Variants in MTA3 observed in about 807,000 individuals in gnomAD.
MTA3 encodes the protein metastasis associated 1 family member 3, also known as metastasis-associated protein MTA3.
Under a neutral mutation model 83.5 loss-of-function variants are expected in MTA3, and 34 were observed. That is an observed-to-expected ratio of 0.41 (90% confidence interval 0.31 to 0.54). The LOEUF (loss-of-function observed/expected upper bound fraction) is 0.54. Ranked by LOEUF, MTA3 falls within the 20% of genes least tolerant of loss-of-function variation. The pLI is 0.33. For synonymous variants in MTA3, 303 were observed against 252.7 expected (o/e 1.20, Z -1.89); for missense variants, 761 against 726.4 (o/e 1.05, Z -0.55).
At chr2:42,572,517 G>A (rs367962003) in intron 2 of MTA3, among the ~76,000 whole-genome samples, 15 of 151,996 alleles carry the variant, frequency 9.9e-5, no homozygotes, top group African/African-American at 2.7e-4. Flanking sequence ...CAAGGCTGCC[G>A]TGAGCTGTGA....
At chr2:42,570,608 C>A (rs751771869) in intron 2 of MTA3, 104 bp downstream of exon 2, 4 of 583,354 alleles carry the variant, frequency 6.9e-6, no homozygotes, top group Non-Finnish European at 1.1e-5. Context: ...GCCTGCAATC[C>A]CAGTAAATTG....
Position 42,620,130 on chromosome 2 carries a change from T to G in MTA3, c.317+10546T>G, listed in dbSNP as rs1025524943. On this transcript the variant is annotated intron_variant, in intron 4 of 16. Coordinates refer to ENST00000405094, the MANE Select transcript of MTA3 (RefSeq NM_001330442.2). ...AAGACATCACACATCTTTTTTTTTT[T>G]TTTTTTTTTAAAGAGTCTTGCTCTG... Among the ~76,000 whole-genome samples, 104 of 151,820 alleles carry G rather than the reference T, an allele frequency of 6.9e-4. 1 individual carries two copies. The highest frequency in any genetic ancestry group is 6.8e-3 in the Middle Eastern group (2 of 292).
chr2:42,608,981 G>C (rs1573244832), intron 3 of MTA3, among the ~76,000 whole-genome samples: 1 of 151,562 alleles, frequency 6.6e-6, no homozygotes, highest in Non-Finnish European at 1.5e-5. Context: ...TTCTTCTTTT[G>C]AGGCCCTGAT....
At chr2:42,509,883 A>G (rs1192484252) in intron 2 of MTA3, among the ~76,000 whole-genome samples, 1 of 152,220 alleles carries the variant, frequency 6.6e-6, no homozygotes, top group African/African-American at 2.4e-5. Flanking sequence ...TATACATTAT[A>G]TAGTGAGGCT....
intron 8 of MTA3, among the ~76,000 whole-genome samples, chr2:42,662,921 G>A (rs987389400): frequency 1.3e-5 from 2 of 151,798 alleles, no homozygotes; most frequent in East Asian, 3.9e-4. Context: ...TAGTAGAGAC[G>A]GGTTTCACCG....
chr2:42,683,414 C>T (rs1692104427), intron 9 of MTA3, among the ~76,000 whole-genome samples: 1 of 152,114 alleles, frequency 6.6e-6, no homozygotes, highest in African/African-American at 2.4e-5. Flanking sequence ...GGTCCCCAAC[C>T]TTTTTGGCAC....
chr2:42,657,763 TAAAA>T (rs60686385), intron 7 of MTA3, among the ~76,000 whole-genome samples: 257 of 127,478 alleles, frequency 2.0e-3, no homozygotes, highest in Middle Eastern at 7.8e-3. Flanking sequence ...CCTCATCTCT[TAAAA>T]AAAAAAAAAA....
At chr2:42,539,948 T>C (rs1401829412) in intron 2 of MTA3, among the ~76,000 whole-genome samples, 1 of 152,048 alleles carries the variant, frequency 6.6e-6, no homozygotes, top group Non-Finnish European at 1.5e-5. Context: ...AGAACATATC[T>C]CTCTTCCTGC....
At chr2:42,634,258 T>G (rs1016863207) in intron 4 of MTA3, among the ~76,000 whole-genome samples, 6 of 152,170 alleles carry the variant, frequency 3.9e-5, no homozygotes, top group African/African-American at 1.4e-4. Context: ...TCATGGAAAT[T>G]TATGTATTTT....
chr2:42,751,586 T>A (rs769678854), intron 16 of MTA3, among the ~76,000 whole-genome samples: 1 of 152,176 alleles, frequency 6.6e-6, no homozygotes, highest in Non-Finnish European at 1.5e-5. Flanking sequence ...AGAGGTGGCC[T>A]GTCTCAATTG....
chr2:42,746,833 A>G (rs1669471259), intron 16 of MTA3, among the ~76,000 whole-genome samples: 1 of 152,246 alleles, frequency 6.6e-6, no homozygotes, highest in East Asian at 1.9e-4. Context: ...TTACACGTTC[A>G]GCTCTCCAGA....
At chr2:42,694,632 G>A (rs1167076395) in intron 9 of MTA3, among the ~76,000 whole-genome samples, 1 of 151,732 alleles carries the variant, frequency 6.6e-6, no homozygotes, top group Non-Finnish European at 1.5e-5. Context: ...TCTGCCAGGG[G>A]ATGGGAGAGG....
chr2:42,567,344 A>G (rs1677960564), upstream of MTA3, among the ~76,000 whole-genome samples: 1 of 152,194 alleles, frequency 6.6e-6, no homozygotes, highest in Admixed American at 6.5e-5. Context: ...ATTTTGCCTC[A>G]GCTATGCACA....
intron 9 of MTA3, among the ~76,000 whole-genome samples, chr2:42,686,273 G>A (rs927780284): frequency 1.3e-5 from 2 of 152,168 alleles, no homozygotes; most frequent in East Asian, 3.8e-4. Context: ...AGTGGTTAGC[G>A]ATAGCTTTAT....
intron 7 of MTA3, among the ~76,000 whole-genome samples, chr2:42,657,725 C>G (rs1329939677): frequency 1.2e-4 from 17 of 138,980 alleles, no homozygotes; most frequent in African/African-American, 4.3e-4. Context: ...TCCAGGAGTT[C>G]AAGACAAACC....
At chr2:42,670,832 A>G (rs1358882667) in intron 8 of MTA3, among the ~76,000 whole-genome samples, 1 of 151,954 alleles carries the variant, frequency 6.6e-6, no homozygotes, top group Non-Finnish European at 1.5e-5. Flanking sequence ...TTGAAAGAGT[A>G]TTTCCTAAAA....
At chr2:42,549,554 ATT>A (rs1191862940) in intron 2 of MTA3, among the ~76,000 whole-genome samples, 1 of 114,206 alleles carries the variant, frequency 8.8e-6, no homozygotes, top group Non-Finnish European at 1.6e-5. Flanking sequence ...CATAATATAT[ATT>A]ATATACATAT....
chr2:42,617,892 T>C (rs1467169444), intron 4 of MTA3, among the ~76,000 whole-genome samples: 1 of 152,104 alleles, frequency 6.6e-6, no homozygotes, highest in Non-Finnish European at 1.5e-5. Context: ...TATGGCTGGT[T>C]CTGATGAAGG....
intron 16 of MTA3, among the ~76,000 whole-genome samples, chr2:42,730,005 T>C (rs952310777): frequency 6.6e-6 from 1 of 152,208 alleles, no homozygotes; most frequent in Non-Finnish European, 1.5e-5. Context: ...TAGAGATCTT[T>C]CACTTCTTTT....
Sources: allele counts gnomAD v4.1 joint callset (sites outside exome capture counted in the v4.1 genomes callset), GRCh38; gene constraint gnomAD v4.1.1; transcripts MANE v1.5; gene names NCBI Gene and HGNC (gene_info 2026-07-23, HGNC 2026-07-21).